BPIFB3: variants seen among roughly 807,000 people sequenced by gnomAD.
BPIFB3 encodes the protein BPI fold containing family B member 3, also known as BPI fold-containing family B member 3.
BPIFB3 carries 49 observed loss-of-function variants against 53.1 expected under a neutral mutation model. That is an observed-to-expected ratio of 0.92 (90% CI 0.73 to 1.17). BPIFB3 has a LOEUF of 1.17. Among genes scored for constraint, BPIFB3 ranks in the 50% most tolerant of loss-of-function variants. The pLI is 0.00. For synonymous variants in BPIFB3, 271 were observed against 269.6 expected, an observed-to-expected ratio of 1.01 and a Z score of -0.05; for missense variants, 628 against 592.5, an observed-to-expected ratio of 1.06 and a Z score of -0.62.
intron 9 of BPIFB3, among the ~76,000 whole-genome samples, 184 bp downstream of exon 10, chr20:33,067,061 G>A (rs1980699738): frequency 6.6e-6 from 1 of 152,356 alleles, no homozygotes; most frequent in Admixed American, 6.5e-5. Context: ...TGCTTAGAGA[G>A]TAAAGGATTA....
chr20:33,067,098 G>T (rs2146389203), intron 9 of BPIFB3, among the ~76,000 whole-genome samples: 1 of 152,322 alleles, frequency 6.6e-6, no homozygotes, highest in South Asian at 2.1e-4. Context: ...GAAATCAACT[G>T]GGCATTTATC....
At chr20:33,072,143 G>C in exon 13 of BPIFB3, 1 of 1,614,218 alleles carries the variant, frequency 6.2e-7, no homozygotes, top group Non-Finnish European at 8.5e-7. Flanking sequence ...TGTGGTCGGG[G>C]CAGTGTATGC....
rs376849532 is a variant in BPIFB3, at chr20:33,063,745, G to A, written c.652+70G>A. ...CTCTGTATGACCCCAATGGGGTAGG[G>A]TACGAAGGGGAGCCAGAAGCGGCAG... On this transcript the variant is annotated intron_variant, in intron 6 of 14. Transcript: ENST00000375494. 36 of 1,471,990 alleles carry A rather than the reference G, an allele frequency of 2.4e-5. No homozygotes were observed. In the African/African-American group the frequency reaches 4.7e-4, roughly 19 times the overall value. The allele number at this position is 1,471,990 out of a possible 1,614,324, so 91.2% of individuals were successfully genotyped here.
chr20:33,057,062 T>C (rs1443937537), intron 2 of BPIFB3, among the ~76,000 whole-genome samples: 3 of 152,246 alleles, frequency 2.0e-5, no homozygotes, highest in East Asian at 3.8e-4. Flanking sequence ...CCATACATTT[T>C]ACAGGTTTAT....
Position 33,071,085 on chromosome 20 carries a change from A to G in BPIFB3, c.1218-168A>G, listed in dbSNP as rs550823066. On this transcript the variant is annotated intron_variant, in intron 11 of 14. Coordinates refer to ENST00000375494, the Ensembl canonical transcript of BPIFB3. Reference sequence around the variant, plus strand: ...AGGGAGGTTAGGTCCCTTTGGGTCCATTTTACAGGTAGGAAAACTGAGTCT... The same window carrying G: ...AGGGAGGTTAGGTCCCTTTGGGTCCGTTTTACAGGTAGGAAAACTGAGTCT... Among the ~76,000 whole-genome samples the G allele has an allele frequency of 5.3e-5, 8 of 151,842 alleles. No individual in the cohort carries two copies. In the East Asian group the frequency reaches 1.6e-3, roughly 30 times the overall value.
intron 3 of BPIFB3, 87 bp from the exon 5 acceptor site, chr20:33,059,804 C>T: frequency 6.5e-7 from 1 of 1,530,626 alleles, no homozygotes; most frequent in Non-Finnish European, 8.8e-7. Flanking sequence ...GGCACAGAGC[C>T]TAGGCCACTG....
intron 9 of BPIFB3, 33 bp downstream of exon 10, chr20:33,066,910 T>C: frequency 1.2e-6 from 2 of 1,605,574 alleles, no homozygotes; most frequent in Non-Finnish European, 8.5e-7. Context: ...TTGATCATTG[T>C]AGCTCTTTCC....
intron 9 of BPIFB3, among the ~76,000 whole-genome samples, chr20:33,067,470 A>T (rs1336868739): frequency 6.6e-6 from 1 of 152,242 alleles, no homozygotes; most frequent in South Asian, 2.1e-4. Flanking sequence ...CTGGGCTCTC[A>T]CCAGAGAGGA....
chr20:33,073,417 C>T (rs977472823), intron 14 of BPIFB3, among the ~76,000 whole-genome samples, 159 bp from the exon 16 acceptor site: 4 of 152,212 alleles, frequency 2.6e-5, no homozygotes, highest in Non-Finnish European at 5.9e-5. Flanking sequence ...GCCTGTCCCA[C>T]ACTGGATGTC....
rs748170066 is a variant in BPIFB3, at chr20:33,064,452, C to CGCAG, written c.653-2_654dup. On this transcript the variant is annotated splice_region_variant and splice_polypyrimidine_tract_variant and intron_variant, in intron 6 of 14. Coordinates refer to ENST00000375494, the Ensembl canonical transcript of BPIFB3. ...GGTCGTTCTCGCCCCCACTTTCCCACGCAGGCCTGGTGTCCCTTGGGGCTC... is the reference window on the plus strand; with the variant it reads ...GGTCGTTCTCGCCCCCACTTTCCCACGCAGGCAGGCCTGGTGTCCCTTGGGGCTC... 1.9e-6 allele frequency: 3 copies of CGCAG among 1,613,532 alleles called. No homozygotes were observed. The highest frequency in any genetic ancestry group is 3.3e-5 in the Admixed American group (2 of 60,016).
intron 4 of BPIFB3, 111 bp downstream of exon 5, chr20:33,060,142 G>A (rs1054639592): frequency 4.5e-5 from 63 of 1,404,618 alleles, no homozygotes; most frequent in Non-Finnish European, 5.7e-5. Flanking sequence ...GCCTGAACTC[G>A]TCCTACCCCT....
chr20:33,059,265 GC>G lies in BPIFB3; in HGVS notation c.282-112del, dbSNP rs934716312. 8.5e-6 allele frequency: 6 copies of G among 702,608 alleles called. No individual in the cohort carries two copies. The African/African-American group carries it at 1.1e-4, about 13-fold the overall frequency. The allele number at this position is 702,608 out of a possible 1,614,324, so 43.5% of individuals were successfully genotyped here. ...TGAAGTGATGGGCCAAGGGCTCGCA[GC>G]TGGCTCTGTGGGTTTGAGGTGAGAT... On this transcript the variant is annotated intron_variant, in intron 2 of 14. Transcript: ENST00000375494.
At chr20:33,064,481 G>A (rs780745703) in exon 7 of BPIFB3, 1 of 1,614,050 alleles carries the variant, frequency 6.2e-7, no homozygotes, top group East Asian at 2.2e-5. Context: ...GGGGCTCTTG[G>A]GTCCGTGGAA....
chr20:33,072,824 G>A, intron 14 of BPIFB3, 31 bp downstream of exon 15: 1 of 1,563,628 alleles, frequency 6.4e-7, no homozygotes, highest in Non-Finnish European at 8.8e-7. Context: ...CGGCCCAGGT[G>A]GGCCTTAAGC....
rs143464926 is a variant in BPIFB3, at chr20:33,069,341, C to T, written c.1149+368C>T. Among the ~76,000 whole-genome samples, 352 of 152,278 alleles carry T rather than the reference C, an allele frequency of 2.3e-3. 4 individuals are homozygous for T. The highest frequency in any genetic ancestry group is 4.3e-4 in the Non-Finnish European group (29 of 68,014). On this transcript the variant is annotated intron_variant, in intron 10 of 14. Transcript: ENST00000375494. ...CAGCTTCCTCCATCGCACCTCTGCACACATCTGGACCGAGGCAGGCCCCTC... is the reference window on the plus strand; with the variant it reads ...CAGCTTCCTCCATCGCACCTCTGCATACATCTGGACCGAGGCAGGCCCCTC...
At chr20:33,056,516 C>A (rs1480638555) in intron 1 of BPIFB3, 26 bp from the exon 3 acceptor site, 1 of 1,613,028 alleles carries the variant, frequency 6.2e-7, no homozygotes, top group Non-Finnish European at 8.5e-7. Context: ...GTTTCTAGTA[C>A]CTTCCTACTT....
exon 11 of BPIFB3, chr20:33,069,935 C>T (rs1980816813): frequency 1.2e-6 from 2 of 1,614,078 alleles, no homozygotes; most frequent in South Asian, 1.1e-5. Context: ...CCAAGCTGCA[C>T]ATCTCCCTGT....
In BPIFB3 at chr20:33,072,006, C is replaced by G. The variant is rs1171349632; in HGVS notation, c.1261-98C>G. ...TCAGGCTTGGGGGAGGCTGAGGCAGCTGGGCCCCTGGGTTTCTCTCCCTGG... is the reference window on the plus strand; with the variant it reads ...TCAGGCTTGGGGGAGGCTGAGGCAGGTGGGCCCCTGGGTTTCTCTCCCTGG... On this transcript the variant is annotated intron_variant, in intron 12 of 14. Coordinates refer to ENST00000375494, the Ensembl canonical transcript of BPIFB3. 10 of 1,285,840 alleles carry G rather than the reference C, an allele frequency of 7.8e-6. No individual in the cohort carries two copies. The South Asian group carries it at 1.2e-4, about 16-fold the overall frequency. The allele number at this position is 1,285,840 out of a possible 1,614,324, so 79.7% of individuals were successfully genotyped here.
At chr20:33,069,847 C>G (rs2146391620) in intron 10 of BPIFB3, 41 bp from the exon 12 acceptor site, 2 of 1,610,324 alleles carry the variant, frequency 1.2e-6, no homozygotes, top group East Asian at 2.2e-5. Flanking sequence ...CAAGCTCCTT[C>G]TGCCGATTGG....
Sources: allele counts gnomAD v4.1 joint callset (sites outside exome capture counted in the v4.1 genomes callset), GRCh38; gene constraint gnomAD v4.1.1; transcripts MANE v1.5; gene names NCBI Gene and HGNC (gene_info 2026-07-23, HGNC 2026-07-21).